Variants in CT45A1 observed in about 807,000 individuals in gnomAD.
CT45A1 encodes cancer/testis antigen family 45 member A1.
At chrX:135,709,282 C>A (rs1232196053), upstream of CT45A1, among the ~76,000 whole-genome samples, 4 of 112,264 alleles carry the variant, frequency 3.6e-5, no homozygotes, top group African/African-American at 1.3e-4. Context: ...TGCACTGTTA[C>A]ACCTGGCTAA....
chrX:135,714,075 G>T (rs1293853110), intron 1 of CT45A1, among the ~76,000 whole-genome samples: 1 of 108,532 alleles, frequency 9.2e-6, no homozygotes, highest in East Asian at 2.9e-4. Context: ...GTCCTGAGCG[G>T]GGGCTCTGCC....
At chrX:135,714,624 G>A (rs781879734) in intron 1 of CT45A1, among the ~76,000 whole-genome samples, 2 of 111,085 alleles carry the variant, frequency 1.8e-5, no homozygotes, top group African/African-American at 6.6e-5. Flanking sequence ...TCGAACACTC[G>A]CTGTACAGTT....
At chrX:135,718,406 G>C (rs1403120414) in intron 1 of CT45A1, among the ~76,000 whole-genome samples, 4 of 110,423 alleles carry the variant, frequency 3.6e-5, no homozygotes, top group Non-Finnish European at 5.7e-5. Context: ...GTCAGATGTT[G>C]TTATCAGTTT....
chrX:135,714,908 T>C (rs2087965854), intron 1 of CT45A1, among the ~76,000 whole-genome samples: 1 of 107,005 alleles, frequency 9.3e-6, no homozygotes, highest in African/African-American at 3.4e-5. Context: ...AAGTTCCTTT[T>C]CAGGTATTTT....
intron 1 of CT45A1, among the ~76,000 whole-genome samples, chrX:135,715,225 A>G (rs868917496): frequency 1.2e-4 from 11 of 88,381 alleles, no homozygotes; most frequent in South Asian, 9.8e-4. Flanking sequence ...ACTTATATAT[A>G]TATAATACTT....
chrX:135,711,263 A>G (rs143364415), upstream of CT45A1, among the ~76,000 whole-genome samples: 11 of 111,786 alleles, frequency 9.8e-5, no homozygotes, highest in Middle Eastern at 4.6e-3. Context: ...CCTACATCGA[A>G]GTGAAAACAA....
chrX:135,719,630 GT>G (rs1569519011), intron 2 of CT45A1, among the ~76,000 whole-genome samples: 2 of 96,044 alleles, frequency 2.1e-5, no homozygotes, highest in African/African-American at 7.5e-5. Context: ...CCCCATCATT[GT>G]TTTTTTCTAC....
chrX:135,717,746 G>A (rs1298504652), intron 1 of CT45A1, among the ~76,000 whole-genome samples: 1 of 110,612 alleles, frequency 9.0e-6, no homozygotes, highest in African/African-American at 3.3e-5. Context: ...ATTATTTGTT[G>A]CTATTAATTA....
intron 1 of CT45A1, among the ~76,000 whole-genome samples, chrX:135,714,616 G>T: frequency 9.0e-6 from 1 of 111,088 alleles, no homozygotes; most frequent in Non-Finnish European, 1.9e-5. Context: ...TGCCACATTC[G>T]AACACTCGCT....
chrX:135,709,848 CTG>C (rs1279006470), upstream of CT45A1, among the ~76,000 whole-genome samples: 1 of 111,568 alleles, frequency 9.0e-6, no homozygotes, highest in African/African-American at 3.3e-5. Context: ...AGTGAGAAAA[CTG>C]TACGTGTACC....
intron 1 of CT45A1, among the ~76,000 whole-genome samples, chrX:135,717,346 T>G (rs1438130265): frequency 9.0e-6 from 1 of 111,606 alleles, no homozygotes; most frequent in East Asian, 2.8e-4. Context: ...GCCAGGAGTT[T>G]GAGACCAGTG....
chrX:135,715,867 A>G (rs2087985470), intron 1 of CT45A1, among the ~76,000 whole-genome samples: 1 of 98,565 alleles, frequency 1.0e-5, no homozygotes, highest in Admixed American at 1.2e-4. Context: ...CCCTCCCCCA[A>G]CAGATCCCAC....
chrX:135,716,601 T>C (rs1435215577), intron 1 of CT45A1, among the ~76,000 whole-genome samples: 2 of 111,732 alleles, frequency 1.8e-5, no homozygotes, highest in African/African-American at 3.2e-5. Context: ...ATGTATAATC[T>C]ACAAACATGA....
upstream of CT45A1, among the ~76,000 whole-genome samples, chrX:135,709,114 G>T (rs868933167): frequency 1.4e-4 from 16 of 112,027 alleles, no homozygotes; most frequent in Admixed American, 9.5e-4. Flanking sequence ...GGGATGTCAC[G>T]GTTGCTGACG....
At chrX:135,715,400 T>A (rs1556571121) in intron 1 of CT45A1, among the ~76,000 whole-genome samples, 1 of 79,273 alleles carries the variant, frequency 1.3e-5, no homozygotes, top group Non-Finnish European at 2.2e-5. Context: ...CTTATATATA[T>A]AATACTTATA....
chrX:135,712,932 TCTTTTTTTC>T (rs1164145023), upstream of CT45A1, among the ~76,000 whole-genome samples: 2 of 86,198 alleles, frequency 2.3e-5, no homozygotes, highest in East Asian at 7.2e-4. Flanking sequence ...TCTTTTCTTT[TCTTTTTTTC>T]TTTCTTTCTT....
intron 1 of CT45A1, among the ~76,000 whole-genome samples, chrX:135,718,461 A>G (rs1469797192): frequency 9.1e-6 from 1 of 110,142 alleles, no homozygotes; most frequent in African/African-American, 3.3e-5. Flanking sequence ...GTTAATACAG[A>G]TTGGTTTATA....
chrX:135,717,616 TTC>T (rs1490320795), intron 1 of CT45A1, among the ~76,000 whole-genome samples: 1 of 112,159 alleles, frequency 8.9e-6, no homozygotes, highest in Non-Finnish European at 1.9e-5. Flanking sequence ...AGTCTTGAAT[TTC>T]TCTGAGTGAT....
chrX:135,715,214 T>C (rs1283249962), intron 1 of CT45A1, among the ~76,000 whole-genome samples: 1 of 86,414 alleles, frequency 1.2e-5, no homozygotes, highest in Non-Finnish European at 2.3e-5. Context: ...ATATATATAA[T>C]ACTTATATAT....
Sources: allele counts gnomAD v4.1 joint callset (sites outside exome capture counted in the v4.1 genomes callset), GRCh38; gene constraint gnomAD v4.1.1; transcripts MANE v1.5; gene names NCBI Gene and HGNC (gene_info 2026-07-23, HGNC 2026-07-21).